Variants in NKAIN2 observed in about 807,000 individuals in gnomAD.
NKAIN2 encodes sodium/potassium-transporting ATPase subunit beta-1-interacting protein 2.
NKAIN2 carries 14 observed loss-of-function variants against 32.6 expected under a neutral mutation model. The ratio of observed to expected loss-of-function variants is 0.43; its 90% CI spans 0.28 to 0.67. NKAIN2 has a LOEUF of 0.67. Among genes scored for constraint, NKAIN2 ranks in the 30% least tolerant of loss-of-function variants. NKAIN2 has a pLI of 0.17. For missense variants in NKAIN2, 198 were observed against 258.3 expected (o/e 0.77, Z 1.60); for synonymous variants, 80 against 87.2 (o/e 0.92, Z 0.46).
intron 1 of NKAIN2, among the ~76,000 whole-genome samples, chr6:123,833,299 G>A (rs1774462544): frequency 1.3e-5 from 2 of 152,060 alleles, no homozygotes; most frequent in Admixed American, 1.3e-4. Context: ...TGATTTATCT[G>A]TCTGTTCTTT....
At chr6:124,382,222 T>G (rs1772676324) in intron 3 of NKAIN2, among the ~76,000 whole-genome samples, 1 of 152,010 alleles carries the variant, frequency 6.6e-6, no homozygotes, top group East Asian at 1.9e-4. Flanking sequence ...AAGAGGAAAA[T>G]GCAGTTTATA....
chr6:124,218,022 A>G (rs1441277363), intron 1 of NKAIN2, among the ~76,000 whole-genome samples: 1 of 152,076 alleles, frequency 6.6e-6, no homozygotes, highest in Non-Finnish European at 1.5e-5. Context: ...TGAAAGCTAC[A>G]GTTCCAGAGT....
chr6:124,232,747 T>C (rs1792525014), intron 1 of NKAIN2, among the ~76,000 whole-genome samples: 2 of 97,790 alleles, frequency 2.0e-5, no homozygotes, highest in African/African-American at 5.3e-5. Flanking sequence ...GGCATTATTT[T>C]TGAGGAAAAA....
At chr6:124,554,214 T>A (rs1012866276) in intron 3 of NKAIN2, among the ~76,000 whole-genome samples, 2 of 152,188 alleles carry the variant, frequency 1.3e-5, no homozygotes, top group African/African-American at 4.8e-5. Context: ...GGAGGTACGT[T>A]TCACAGCTAA....
chr6:124,478,371 A>G (rs1376515626), intron 3 of NKAIN2, among the ~76,000 whole-genome samples: 1 of 152,220 alleles, frequency 6.6e-6, no homozygotes, highest in Non-Finnish European at 1.5e-5. Context: ...CCATTCTCAA[A>G]TAAAAGGAGC....
intron 1 of NKAIN2, among the ~76,000 whole-genome samples, chr6:123,830,970 C>A (rs1335831830): frequency 6.6e-6 from 1 of 152,204 alleles, no homozygotes; most frequent in African/African-American, 2.4e-5. Context: ...ATCAGACCAG[C>A]TCTGGTAAAT....
At chr6:124,102,936 TC>T (rs1302452286) in intron 1 of NKAIN2, among the ~76,000 whole-genome samples, 1 of 152,156 alleles carries the variant, frequency 6.6e-6, no homozygotes, top group Non-Finnish European at 1.5e-5. Context: ...TTTTGATCGA[TC>T]GATTATCTGC....
chr6:124,729,691 G>A (rs908331060), intron 4 of NKAIN2, among the ~76,000 whole-genome samples: 1 of 150,542 alleles, frequency 6.6e-6, no homozygotes, highest in Admixed American at 6.6e-5. Flanking sequence ...TCAACATAGT[G>A]TTGGAAGTTC....
intron 1 of NKAIN2, among the ~76,000 whole-genome samples, chr6:123,865,100 C>A (rs964262023): frequency 5.3e-5 from 8 of 151,976 alleles, no homozygotes; most frequent in African/African-American, 1.9e-4. Context: ...AGAAAGTATT[C>A]TTTAGAATCT....
chr6:124,359,364 G>GT (rs1290659293), intron 3 of NKAIN2, among the ~76,000 whole-genome samples: 3 of 152,186 alleles, frequency 2.0e-5, no homozygotes, highest in African/African-American at 7.2e-5. Flanking sequence ...ACCTTGGGCA[G>GT]TATGGCCATT....
intron 1 of NKAIN2, among the ~76,000 whole-genome samples, chr6:124,011,354 T>C (rs1299974211): frequency 2.0e-5 from 3 of 152,134 alleles, no homozygotes; most frequent in Admixed American, 6.5e-5. Context: ...TTCTTTTATT[T>C]TGAACTATCA....
chr6:124,350,362 A>G (rs1330466603), intron 2 of NKAIN2, among the ~76,000 whole-genome samples: 3 of 152,206 alleles, frequency 2.0e-5, no homozygotes, highest in Non-Finnish European at 4.4e-5. Context: ...AACTAGGCAA[A>G]ATCCAATTAC....
intron 2 of NKAIN2, among the ~76,000 whole-genome samples, chr6:124,303,431 G>A (rs1457575535): frequency 6.6e-6 from 1 of 152,174 alleles, no homozygotes; most frequent in African/African-American, 2.4e-5. Context: ...TTACTACAGG[G>A]AAAGAGTTTA....
intron 1 of NKAIN2, among the ~76,000 whole-genome samples, chr6:124,096,284 G>T (rs559132380): frequency 1.3e-5 from 2 of 151,956 alleles, no homozygotes; most frequent in Non-Finnish European, 2.9e-5. Context: ...TCTTTTCTTT[G>T]TTGAGATCTA....
chr6:123,956,623 G>C (rs192243619), intron 1 of NKAIN2, among the ~76,000 whole-genome samples: 1 of 152,282 alleles, frequency 6.6e-6, no homozygotes, highest in African/African-American at 2.4e-5. Context: ...GTGGTATTTT[G>C]TTATGGCAGC....
intron 5 of NKAIN2, among the ~76,000 whole-genome samples, chr6:124,796,683 G>T (rs1158172602): frequency 2.0e-5 from 3 of 152,166 alleles, no homozygotes; most frequent in Non-Finnish European, 4.4e-5. Context: ...CAGGATAAAA[G>T]CTGAGGTCCC....
intron 1 of NKAIN2, among the ~76,000 whole-genome samples, chr6:123,914,274 A>T (rs972079438): frequency 6.6e-6 from 1 of 151,970 alleles, no homozygotes; most frequent in Non-Finnish European, 1.5e-5. Flanking sequence ...ACAGAGAGAG[A>T]CAGAGACAGT....
At chr6:124,532,888 C>T (rs1162686622) in intron 3 of NKAIN2, among the ~76,000 whole-genome samples, 2 of 152,148 alleles carry the variant, frequency 1.3e-5, no homozygotes, top group East Asian at 3.9e-4. Context: ...GCCAAGCTCT[C>T]CAGTAGAGTC....
intron 1 of NKAIN2, among the ~76,000 whole-genome samples, chr6:124,166,343 C>T (rs1030046433): frequency 5.6e-4 from 85 of 152,224 alleles, no homozygotes; most frequent in South Asian, 1.9e-3. Context: ...TCATTTCCTT[C>T]GCCCACTTGT....
Sources: gnomAD v4.1 joint callset for allele counts (sites outside exome capture counted in the v4.1 genomes callset) on GRCh38, gnomAD v4.1.1 for gene constraint, MANE v1.5 for transcripts, NCBI Gene and HGNC (gene_info 2026-07-23, HGNC 2026-07-21) for gene names.